The following BCKDHB variants were observed in gnomAD, a reference collection of about 807,000 sequenced individuals.
The protein encoded by BCKDHB is branched chain keto acid dehydrogenase E1 subunit beta.
BCKDHB carries 41 observed loss-of-function variants against 48.5 expected under a neutral mutation model. The ratio of observed to expected loss-of-function variants is 0.85; its 90% CI spans 0.66 to 1.10. BCKDHB has a LOEUF of 1.10. BCKDHB is among the 50% of genes least tolerant of loss of function. BCKDHB has a pLI of 0.00. For synonymous variants in BCKDHB, 201 were observed against 174.8 expected (o/e 1.15, Z -1.18); for missense variants, 496 against 494.2 (o/e 1.00, Z -0.03).
intron 8 of BCKDHB, among the ~76,000 whole-genome samples, chr6:80,225,979 A>G (rs1335339326): frequency 6.6e-6 from 1 of 152,170 alleles, no homozygotes; most frequent in Non-Finnish European, 1.5e-5. Flanking sequence ...TACCAATGAC[A>G]TTTTTGTAAA....
At chr6:80,153,461 A>G (rs1196787181) in intron 3 of BCKDHB, among the ~76,000 whole-genome samples, 1 of 152,064 alleles carries the variant, frequency 6.6e-6, no homozygotes, top group East Asian at 1.9e-4. Flanking sequence ...GAGTTTGAGG[A>G]TGAGCACAGT....
In BCKDHB at chr6:80,193,907, A is replaced by G. The variant is rs148836654; in HGVS notation, c.743-7027A>G. ...ATATTCATGTCTCTCAATATTCAGA[A>G]CTCAGTTAAATTTATCCAGGAAGAT... is the stretch of plus-strand genomic sequence containing the variant. On this transcript the variant is annotated intron_variant, in intron 6 of 9. Coordinates refer to ENST00000320393, the MANE Select transcript of BCKDHB (RefSeq NM_183050.4). Among the ~76,000 whole-genome samples, 18 of 152,286 alleles carry G rather than the reference A, an allele frequency of 1.2e-4. No individual in the cohort carries two copies. The East Asian group carries it at 3.5e-3, about 29-fold the overall frequency.
intron 8 of BCKDHB, among the ~76,000 whole-genome samples, chr6:80,255,842 C>T (rs991359579): frequency 2.0e-5 from 3 of 152,078 alleles, no homozygotes; most frequent in African/African-American, 7.3e-5. Flanking sequence ...ATATGAAGGA[C>T]ATAAAGATGT....
chr6:80,297,254 G>A (rs1767304414), intron 9 of BCKDHB, among the ~76,000 whole-genome samples: 1 of 152,092 alleles, frequency 6.6e-6, no homozygotes, highest in African/African-American at 2.4e-5. Flanking sequence ...TATCTGACCT[G>A]CCTAATTTGG....
the BCKDHB span, among the ~76,000 whole-genome samples, chr6:80,388,692 C>T: frequency 2.0e-5 from 3 of 152,182 alleles, no homozygotes; most frequent in African/African-American, 7.2e-5. Context: ...TTCTCTCTCT[C>T]AGCCTGCACC....
intron 6 of BCKDHB, among the ~76,000 whole-genome samples, chr6:80,188,239 C>CT (rs1773736080): frequency 6.6e-6 from 1 of 152,142 alleles, no homozygotes; most frequent in Non-Finnish European, 1.5e-5. Flanking sequence ...GGCCATTATC[C>CT]TTAGCAAACT....
At chr6:80,310,698 A>G (rs1768109384) in intron 9 of BCKDHB, among the ~76,000 whole-genome samples, 1 of 152,146 alleles carries the variant, frequency 6.6e-6, no homozygotes, top group Non-Finnish European at 1.5e-5. Context: ...ACAGTGGTTG[A>G]ATTTACACTC....
At chr6:80,218,568 T>C (rs1001413507) in intron 8 of BCKDHB, among the ~76,000 whole-genome samples, 1 of 152,222 alleles carries the variant, frequency 6.6e-6, no homozygotes, top group African/African-American at 2.4e-5. Context: ...CTTCATCTCA[T>C]ATTTCCTCAG....
At chr6:80,374,174 A>G in the BCKDHB span, 1 of 720,252 alleles carries the variant, frequency 1.4e-6, no homozygotes, top group Non-Finnish European at 2.6e-6. Flanking sequence ...TCCGACTATG[A>G]GCTCTGTAGG....
At chr6:80,136,472 T>A (rs1438687500) in intron 3 of BCKDHB, among the ~76,000 whole-genome samples, 3 of 152,100 alleles carry the variant, frequency 2.0e-5, no homozygotes, top group Non-Finnish European at 1.5e-5. Context: ...TCAAAATAGA[T>A]CACAGACTTA....
At chr6:80,392,641 T>A in the BCKDHB span, among the ~76,000 whole-genome samples, 4 of 151,788 alleles carry the variant, frequency 2.6e-5, no homozygotes, top group Non-Finnish European at 5.9e-5. Context: ...TATAAATTGA[T>A]TTTCTTGTAA....
the BCKDHB span, among the ~76,000 whole-genome samples, chr6:80,372,264 T>A: frequency 3.9e-5 from 6 of 152,148 alleles, no homozygotes; most frequent in African/African-American, 7.2e-5. Flanking sequence ...GATTCTCAGC[T>A]TGGTCACTGT....
At chr6:80,327,056 TA>T (rs1170114967) in intron 9 of BCKDHB, among the ~76,000 whole-genome samples, 2 of 151,742 alleles carry the variant, frequency 1.3e-5, no homozygotes, top group East Asian at 1.9e-4. Context: ...GCCTATGTTT[TA>T]AAAAAAAATT....
the BCKDHB span, among the ~76,000 whole-genome samples, chr6:80,414,719 G>T: frequency 6.6e-6 from 1 of 152,058 alleles, no homozygotes; most frequent in Non-Finnish European, 1.5e-5. Context: ...TTTTGATTAG[G>T]ATTGACTTGG....
intron 9 of BCKDHB, among the ~76,000 whole-genome samples, chr6:80,332,937 A>G (rs967079377): frequency 2.0e-5 from 3 of 152,086 alleles, no homozygotes; most frequent in African/African-American, 4.8e-5. Context: ...AAAAAAAAAA[A>G]AAGTACAAAT....
intron 8 of BCKDHB, among the ~76,000 whole-genome samples, chr6:80,269,157 A>T (rs1777631005): frequency 6.6e-6 from 1 of 152,134 alleles, no homozygotes; most frequent in East Asian, 1.9e-4. Context: ...ATTCATAAAG[A>T]CGTTTGGGTA....
rs143241597 is a variant in BCKDHB at position 80,177,374 on chromosome 6, A to G, written c.742+5984A>G. Among the ~76,000 whole-genome samples the G allele has an allele frequency of 1.6e-3, 243 of 152,178 alleles. 1 individual carries two copies. The highest frequency in any genetic ancestry group is 5.6e-3 in the African/African-American group (234 of 41,538). On this transcript the variant is annotated intron_variant, in intron 6 of 9. Coordinates refer to ENST00000320393, the MANE Select transcript of BCKDHB (RefSeq NM_183050.4). The stretch of plus-strand genomic sequence containing the variant: ...AAGAAAAATATAATAAAAATCTCCA[A>G]TGGTTTAAGCCCAGAAATTTATAAA...
chr6:80,127,579 G>T lies in BCKDHB; in HGVS notation c.229G>T (p.Val77Leu). 6.2e-7 allele frequency: 1 copy of T among 1,613,034 alleles called. No homozygotes were observed. Among genetic ancestry groups the T allele is most frequent in the Non-Finnish European group, 8.5e-7 (1 of 1,179,418 alleles). ...QTQKMNLFQS[V>L]TSALDNSLAK... The stretch of plus-strand genomic sequence containing the variant: ...TCAGAAAATGAATCTTTTCCAGTCT[G>T]TAACAAGTGCCTTGGATAACTCATT... Residue 77 changes from valine to leucine, a missense_variant, in exon 2 of 10, where the codon GTA becomes TTA. By Grantham distance (32) the Val-to-Leu change is conservative. Coordinates refer to ENST00000320393, the MANE Select transcript of BCKDHB (RefSeq NM_183050.4).
At chr6:80,403,708 G>A in the BCKDHB span, among the ~76,000 whole-genome samples, 1 of 152,000 alleles carries the variant, frequency 6.6e-6, no homozygotes, top group South Asian at 2.1e-4. Flanking sequence ...AATGTTAGCT[G>A]TGGATTTCCC....
Sources: gnomAD v4.1 joint callset for allele counts (sites outside exome capture counted in the v4.1 genomes callset) on GRCh38, gnomAD v4.1.1 for gene constraint, MANE v1.5 for transcripts, NCBI Gene and HGNC (gene_info 2026-07-23, HGNC 2026-07-21) for gene names.